The following ARID5B variants were observed in gnomAD, a reference collection of about 807,000 sequenced individuals.
ARID5B encodes the protein AT-rich interactive domain-containing protein 5B.
In ARID5B, 13 loss-of-function variants were observed where a neutral mutation model predicts 97.2. The observed-to-expected ratio is 0.13, with a 90% confidence interval of 0.09 to 0.21. The LOEUF (loss-of-function observed/expected upper bound fraction) is 0.21. Among genes scored for constraint, ARID5B ranks in the 10% least tolerant of loss-of-function variants. ARID5B has a pLI of 1.00. For missense variants in ARID5B, 1,210 were observed against 1,465.3 expected, an observed-to-expected ratio of 0.83 and a Z score of 2.84; for synonymous variants, 556 against 570.3, an observed-to-expected ratio of 0.97 and a Z score of 0.36.
At chr10:61,997,947 G>T (rs1423409856) in intron 3 of ARID5B, among the ~76,000 whole-genome samples, 1 of 152,134 alleles carries the variant, frequency 6.6e-6, no homozygotes, top group Non-Finnish European at 1.5e-5. Flanking sequence ...GGCATGCCTT[G>T]GGACATATAT....
intron 9 of ARID5B, among the ~76,000 whole-genome samples, chr10:62,088,425 G>C (rs1840321046): frequency 6.6e-6 from 1 of 152,170 alleles, no homozygotes; most frequent in African/African-American, 2.4e-5. Context: ...GTTTGTGAAT[G>C]GTAGGAGGAA....
Position 62,096,766 on chromosome 10 carries a change from C to A in ARID5B, c.*3736C>A, listed in dbSNP as rs1840476692. 1 of 233,402 alleles carries A rather than the reference C, an allele frequency of 4.3e-6. No individual in the cohort carries two copies. Among genetic ancestry groups the A allele is most frequent in the Non-Finnish European group, 8.5e-6 (1 of 117,982 alleles). The allele number at this position is 233,402 out of a possible 1,614,324, so 14.5% of individuals were successfully genotyped here. A position where few individuals can be genotyped will look rare whatever the true frequency, so the allele number is the denominator to read the frequency against. ...AACCTTTGCATTAGTTTAAACACTA[C>A]CAGAAGAATGCTGAGCCAACTATAA... On this transcript the variant is annotated 3_prime_UTR_variant, in exon 10 of 10. Coordinates refer to ENST00000279873, the MANE Select transcript of ARID5B (RefSeq NM_032199.3).
chr10:62,036,279 G>C (rs933321855), intron 4 of ARID5B, among the ~76,000 whole-genome samples: 1 of 152,178 alleles, frequency 6.6e-6, no homozygotes, highest in African/African-American at 2.4e-5. Flanking sequence ...GCTAGAAGGT[G>C]AGGACGATGC....
intron 3 of ARID5B, among the ~76,000 whole-genome samples, chr10:61,945,683 T>C (rs957734761): frequency 6.6e-6 from 1 of 152,208 alleles, no homozygotes; most frequent in Non-Finnish European, 1.5e-5. Flanking sequence ...CTGTTTCTCA[T>C]TGGATTTTTG....
chr10:62,018,620 A>G (rs934250853), intron 4 of ARID5B, among the ~76,000 whole-genome samples: 44 of 33,698 alleles, frequency 1.3e-3, no homozygotes, highest in Middle Eastern at 0.016. Flanking sequence ...CCCCGCCCCC[A>G]CCACTGTCGT....
chr10:61,942,298 C>G (rs978484327), intron 3 of ARID5B, among the ~76,000 whole-genome samples: 1 of 151,918 alleles, frequency 6.6e-6, no homozygotes, highest in African/African-American at 2.4e-5. Flanking sequence ...GCAGTTGATT[C>G]CAGAAGAAAT....
chr10:61,902,185 C>T lies in ARID5B; in HGVS notation c.48C>T (p.His16=), dbSNP rs375185221. 16 of 1,612,924 alleles carry T rather than the reference C, an allele frequency of 9.9e-6. No homozygotes were observed. The highest frequency in any genetic ancestry group is 8.0e-5 in the African/African-American group (6 of 74,816). ...GGGTCGGCTCACCGTGTGGCTTGCACGGACCTTACATTTTCTACAAGGCTT... is the reference window on the plus strand; with the variant it reads ...GGGTCGGCTCACCGTGTGGCTTGCATGGACCTTACATTTTCTACAAGGCTT... The part of the protein sequence containing the change: ...LQWVGSPCGL[H]GPYIFYKAFQ... The change falls in exon 2 of 10, where the codon CAC becomes CAT. Residue 16 remains histidine (H), a synonymous_variant. Coordinates refer to ENST00000279873, the MANE Select transcript of ARID5B (RefSeq NM_032199.3).
intron 2 of ARID5B, among the ~76,000 whole-genome samples, chr10:61,931,668 A>G (rs543737325): frequency 2.6e-5 from 4 of 152,254 alleles, no homozygotes; most frequent in Non-Finnish European, 5.9e-5. Context: ...CCAAATGGGC[A>G]GAAGACTTAA....
chr10:61,929,249 T>G (rs1305806301), intron 2 of ARID5B, among the ~76,000 whole-genome samples: 1 of 152,254 alleles, frequency 6.6e-6, no homozygotes, highest in Admixed American at 6.5e-5. Context: ...ACATTTATCA[T>G]GTTTCAAATG....
chr10:62,069,778 A>C lies in ARID5B; in HGVS notation c.1180A>C (p.Thr394Pro). 6.2e-7 allele frequency: 1 copy of C among 1,614,130 alleles called. No individual in the cohort carries two copies. ...NPGSTSAATCTRRHYERLILP... is the reference protein window; with the variant it reads ...NPGSTSAATCPRRHYERLILP... ...TGGGAGCACCAGCGCTGCCACTTGT[A>C]CCCGCAGACATTATGAAAGGTAAGA... Residue 394 changes from threonine (T) to proline (P), a missense_variant, in exon 8 of 10, where the codon ACC becomes CCC. Around this residue, in one of 8 missense-constraint regions of ARID5B, gnomAD observed 59 missense variants for 156.7 expected, o/e 0.38. Coordinates refer to ENST00000279873, the MANE Select transcript of ARID5B (RefSeq NM_032199.3).
intron 2 of ARID5B, among the ~76,000 whole-genome samples, chr10:61,921,533 C>T (rs1844015227): frequency 6.6e-6 from 1 of 152,202 alleles, no homozygotes; most frequent in Non-Finnish European, 1.5e-5. Flanking sequence ...AACGGACTCC[C>T]CTCAGAGTGT....
chr10:61,987,713 A>T (rs1158250691), intron 3 of ARID5B, among the ~76,000 whole-genome samples: 1 of 152,226 alleles, frequency 6.6e-6, no homozygotes, highest in Non-Finnish European at 1.5e-5. Flanking sequence ...ATAAAACTTT[A>T]TTTACAAAAA....
chr10:62,024,019 C>T (rs1839388247), intron 4 of ARID5B, among the ~76,000 whole-genome samples: 1 of 152,218 alleles, frequency 6.6e-6, no homozygotes, highest in South Asian at 2.1e-4. Flanking sequence ...ACTTTCAAGC[C>T]TTGATTTCCC....
intron 7 of ARID5B, among the ~76,000 whole-genome samples, chr10:62,069,493 G>A (rs1840034446): frequency 6.6e-6 from 1 of 152,190 alleles, no homozygotes; most frequent in African/African-American, 2.4e-5. Context: ...ACATCCAAAA[G>A]TAGAATTCCA....
At chr10:61,998,983 C>G (rs910510500) in intron 3 of ARID5B, among the ~76,000 whole-genome samples, 4 of 152,214 alleles carry the variant, frequency 2.6e-5, no homozygotes, top group African/African-American at 4.8e-5. Flanking sequence ...AGAGTTGCCA[C>G]TATCCTGGGA....
chr10:62,058,106 C>T (rs1245854217), intron 6 of ARID5B, among the ~76,000 whole-genome samples: 1 of 152,150 alleles, frequency 6.6e-6, no homozygotes, highest in Non-Finnish European at 1.5e-5. Flanking sequence ...GTGTGTTTTA[C>T]ATAACAATTT....
chr10:61,978,051 G>A (rs1473762572), intron 3 of ARID5B, among the ~76,000 whole-genome samples: 3 of 152,274 alleles, frequency 2.0e-5, no homozygotes, highest in Admixed American at 1.3e-4. Flanking sequence ...CTGTAAGGAA[G>A]GGATCCAGTT....
At position 62,092,384 on chromosome 10, in the gene ARID5B, G is replaced by A. The variant is rs774536160; in HGVS notation, c.2921G>A (p.Arg974Lys). 2 of 1,614,196 alleles carry A rather than the reference G, an allele frequency of 1.2e-6. No homozygotes were observed. The highest frequency in any genetic ancestry group is 1.1e-5 in the South Asian group (1 of 91,088). Reference protein sequence around the residue: ...GPKKYPESLSRSGKPHHVRLE... With the variant: ...GPKKYPESLSKSGKPHHVRLE... ...AAAAAATACCCTGAATCGCTTTCAAGATCAGGAAAACCTCACCATGTGAGA... is the reference window on the plus strand; with the variant it reads ...AAAAAATACCCTGAATCGCTTTCAAAATCAGGAAAACCTCACCATGTGAGA... Residue 974 changes from arginine (R) to lysine (K), a missense_variant, in exon 10 of 10, where the codon AGA becomes AAA. Arg to Lys is a conservative substitution (Grantham distance 26, BLOSUM62 2). Around this residue, in one of 8 missense-constraint regions of ARID5B, gnomAD observed 800 missense variants for 839.1 expected, o/e 0.95. Coordinates refer to ENST00000279873, the MANE Select transcript of ARID5B (RefSeq NM_032199.3).
At chr10:61,967,497 C>G (rs1838562382) in intron 3 of ARID5B, among the ~76,000 whole-genome samples, 1 of 152,224 alleles carries the variant, frequency 6.6e-6, no homozygotes, top group Admixed American at 6.5e-5. Flanking sequence ...TGAGACAACA[C>G]ATCGAACCTG....
Sources: gnomAD v4.1 joint callset for allele counts (sites outside exome capture counted in the v4.1 genomes callset) on GRCh38, gnomAD v4.1.1 for gene constraint, gnomAD v4.1.1 regional missense constraint, MANE v1.5 for transcripts, NCBI Gene and HGNC (gene_info 2026-07-23, HGNC 2026-07-21) for gene names.